PTPRO: variants seen among roughly 807,000 people sequenced by gnomAD.
PTPRO encodes protein tyrosine phosphatase receptor type O.
In PTPRO, 62 loss-of-function variants were observed where a neutral mutation model predicts 145.2. The ratio of observed to expected loss-of-function variants is 0.43; its 90% CI spans 0.35 to 0.53. PTPRO has a LOEUF of 0.53. Among genes scored for constraint, PTPRO ranks in the 20% least tolerant of loss-of-function variants. PTPRO has a pLI of 0.01. For missense variants in PTPRO, 1,345 were observed against 1,482.7 expected, an observed-to-expected ratio of 0.91 and a Z score of 1.53; for synonymous variants, 565 against 514.7, an observed-to-expected ratio of 1.10 and a Z score of -1.32.
intron 1 of PTPRO, among the ~76,000 whole-genome samples, chr12:15,362,967 T>C (rs1367472290): frequency 1.3e-5 from 2 of 152,218 alleles, no homozygotes; most frequent in African/African-American, 2.4e-5. Context: ...TTTTAAACAT[T>C]ATATTTTTTC....
At chr12:15,529,859 A>C (rs1942923834) in intron 12 of PTPRO, among the ~76,000 whole-genome samples, 1 of 152,214 alleles carries the variant, frequency 6.6e-6, no homozygotes, top group Admixed American at 6.5e-5. Flanking sequence ...GGCAGTAGTA[A>C]ATCCGTACTT....
chr12:15,462,629 C>T (rs1941331185), intron 1 of PTPRO, among the ~76,000 whole-genome samples: 1 of 152,156 alleles, frequency 6.6e-6, no homozygotes, highest in Non-Finnish European at 1.5e-5. Context: ...AAAATAATTG[C>T]TTGAATTGCC....
At chr12:15,339,180 G>A (rs1177662113) in intron 1 of PTPRO, among the ~76,000 whole-genome samples, 1 of 152,112 alleles carries the variant, frequency 6.6e-6, no homozygotes, top group Non-Finnish European at 1.5e-5. Context: ...TTTAATATAA[G>A]TCCAATAGAG....
intron 1 of PTPRO, among the ~76,000 whole-genome samples, chr12:15,471,946 AGAAT>A (rs559811503): frequency 7.2e-5 from 11 of 152,220 alleles, no homozygotes; most frequent in Non-Finnish European, 1.2e-4. Flanking sequence ...CTGAAAAGAA[AGAAT>A]ACCCAGGTGG....
At chr12:15,365,426 A>C (rs904429266) in intron 1 of PTPRO, among the ~76,000 whole-genome samples, 15 of 152,140 alleles carry the variant, frequency 9.9e-5, no homozygotes, top group Non-Finnish European at 1.5e-4. Context: ...ATATATATAT[A>C]TCTCCACAGT....
chr12:15,331,105 A>G (rs927677146), intron 1 of PTPRO, among the ~76,000 whole-genome samples: 11 of 152,218 alleles, frequency 7.2e-5, no homozygotes, highest in African/African-American at 2.6e-4. Flanking sequence ...AGAGGCACCG[A>G]TTGTTAATTT....
At chr12:15,458,105 G>A (rs917587794) in intron 1 of PTPRO, among the ~76,000 whole-genome samples, 14 of 152,024 alleles carry the variant, frequency 9.2e-5, no homozygotes, top group African/African-American at 3.4e-4. Flanking sequence ...CTTCATTTTT[G>A]AATGATGGTG....
At chr12:15,525,067 T>C in intron 11 of PTPRO, 102 bp downstream of exon 11, 1 of 1,386,282 alleles carries the variant, frequency 7.2e-7, no homozygotes, top group Non-Finnish European at 1.0e-6. Flanking sequence ...AATGTTTGCA[T>C]ACCAGTTGTC....
intron 1 of PTPRO, among the ~76,000 whole-genome samples, chr12:15,479,718 T>C (rs1321445825): frequency 1.3e-5 from 2 of 152,220 alleles, no homozygotes; most frequent in Admixed American, 6.5e-5. Context: ...AATACACTGG[T>C]CTTGATGAGT....
At chr12:15,378,595 G>C (rs1938760175) in intron 1 of PTPRO, among the ~76,000 whole-genome samples, 3 of 152,012 alleles carry the variant, frequency 2.0e-5, no homozygotes, top group African/African-American at 7.2e-5. Context: ...ATGGCTTTAT[G>C]ATGAATTCTA....
At chr12:15,470,668 C>T (rs1245050699) in intron 1 of PTPRO, among the ~76,000 whole-genome samples, 1 of 152,292 alleles carries the variant, frequency 6.6e-6, no homozygotes, top group Admixed American at 6.5e-5. Flanking sequence ...TCATTTTACA[C>T]ATGCACACAT....
chr12:15,383,916 A>G (rs1938941603), intron 1 of PTPRO, among the ~76,000 whole-genome samples: 1 of 152,228 alleles, frequency 6.6e-6, no homozygotes, highest in Non-Finnish European at 1.5e-5. Flanking sequence ...AATACGTCAA[A>G]GAAATCTATT....
In PTPRO at chr12:15,520,186, G is replaced by C; in HGVS notation, c.1780-15G>C. The C allele has an allele frequency of 6.3e-7, 1 of 1,584,666 alleles. No homozygotes were observed. Among genetic ancestry groups the C allele is most frequent in the Non-Finnish European group, 8.7e-7 (1 of 1,153,270 alleles). On this transcript the variant is annotated splice_polypyrimidine_tract_variant and intron_variant, in intron 9 of 26. Transcript: ENST00000281171. The stretch of plus-strand genomic sequence containing the variant: ...CCCACAGTCTTTTGTCTCCTTGCTT[G>C]CTTTTCTCATTCAGAGAATAGCTAA...
At chr12:15,522,951 T>C (rs1229964654) in intron 10 of PTPRO, among the ~76,000 whole-genome samples, 1 of 152,234 alleles carries the variant, frequency 6.6e-6, no homozygotes, top group African/African-American at 2.4e-5. Context: ...GCATAGGTTC[T>C]TGTATATGAC....
chr12:15,530,863 G>C (rs1942947581), intron 12 of PTPRO, among the ~76,000 whole-genome samples: 1 of 151,720 alleles, frequency 6.6e-6, no homozygotes, highest in African/African-American at 2.4e-5. Context: ...TAGAAGGAAA[G>C]AAATGTAAAG....
At chr12:15,372,440 C>T (rs1938558982) in intron 1 of PTPRO, among the ~76,000 whole-genome samples, 1 of 152,168 alleles carries the variant, frequency 6.6e-6, no homozygotes, top group Non-Finnish European at 1.5e-5. Context: ...CACTTATTTT[C>T]AAAACCCAGT....
At chr12:15,425,131 A>T (rs1940249550) in intron 1 of PTPRO, among the ~76,000 whole-genome samples, 1 of 152,034 alleles carries the variant, frequency 6.6e-6, no homozygotes. Flanking sequence ...ATGAGTAGTC[A>T]TCCTTTGTCA....
intron 12 of PTPRO, among the ~76,000 whole-genome samples, chr12:15,542,822 C>T (rs998590793): frequency 5.3e-5 from 8 of 152,066 alleles, no homozygotes; most frequent in African/African-American, 1.9e-4. Flanking sequence ...TTTGCAACAC[C>T]TCTCAATTTG....
chr12:15,341,994 T>A (rs1215239244), intron 1 of PTPRO, among the ~76,000 whole-genome samples: 3 of 152,206 alleles, frequency 2.0e-5, no homozygotes, highest in Admixed American at 2.0e-4. Context: ...ATACATATTA[T>A]CTTATTAAAA....
Sources: allele counts gnomAD v4.1 joint callset (sites outside exome capture counted in the v4.1 genomes callset), GRCh38; gene constraint gnomAD v4.1.1; transcripts MANE v1.5; gene names NCBI Gene and HGNC (gene_info 2026-07-23, HGNC 2026-07-21).